Variants in CCDC141 observed in about 807,000 individuals in gnomAD.
CCDC141 encodes coiled-coil domain-containing protein 141.
In CCDC141, 168 loss-of-function variants were observed where a neutral mutation model predicts 181.0. The ratio of observed to expected loss-of-function variants is 0.93; its 90% CI spans 0.82 to 1.05. The LOEUF is 1.05. CCDC141 is among the 50% of genes least tolerant of loss of function. CCDC141 has a pLI of 0.00. For synonymous variants in CCDC141, 666 were observed against 642.3 expected (o/e 1.04, Z -0.56); for missense variants, 1,902 against 1,788.5 (o/e 1.06, Z -1.14).
chr2:178,898,985 AAAC>A (rs1410356035), intron 8 of CCDC141, among the ~76,000 whole-genome samples: 1 of 152,222 alleles, frequency 6.6e-6, no homozygotes, highest in Non-Finnish European at 1.5e-5. Flanking sequence ...TAATCATTTG[AAAC>A]AACCATATTA....
intron 16 of CCDC141, among the ~76,000 whole-genome samples, chr2:178,866,392 G>A (rs1032571933): frequency 4.6e-5 from 7 of 152,106 alleles, no homozygotes; most frequent in African/African-American, 1.4e-4. Context: ...GAGACTTCTT[G>A]CTTTCTTTTT....
chr2:179,015,074 A>ATG (rs1472997549), intron 2 of CCDC141, among the ~76,000 whole-genome samples: 2 of 34,384 alleles, frequency 5.8e-5, no homozygotes, highest in Non-Finnish European at 8.0e-5. Flanking sequence ...AGAGATATAT[A>ATG]TATATATATA....
intron 20 of CCDC141, among the ~76,000 whole-genome samples, chr2:178,852,027 T>C (rs1482263678): frequency 6.6e-6 from 1 of 152,200 alleles, no homozygotes; most frequent in Non-Finnish European, 1.5e-5. Flanking sequence ...CATTCAGTGA[T>C]TCATTTATTT....
intron 16 of CCDC141, among the ~76,000 whole-genome samples, chr2:178,867,443 T>C (rs1309158458): frequency 1.3e-5 from 2 of 152,210 alleles, no homozygotes; most frequent in Non-Finnish European, 2.9e-5. Context: ...GTAAGTAATA[T>C]AAAAAATACT....
chr2:178,908,114 G>A (rs541827757), intron 7 of CCDC141, among the ~76,000 whole-genome samples: 19 of 152,252 alleles, frequency 1.2e-4, no homozygotes, highest in African/African-American at 3.6e-4. Flanking sequence ...CACTGTTTCT[G>A]AACATTTTAA....
rs771477002 is a variant in CCDC141 at position 178,869,217 on chromosome 2, A to T, written c.2294T>A (p.Leu765Gln). 9.3e-6 allele frequency: 15 copies of T among 1,613,730 alleles called. No individual in the cohort carries two copies. The highest frequency in any genetic ancestry group is 1.2e-5 in the Non-Finnish European group (14 of 1,179,766). The change falls in exon 15 of 24, where the codon CTG becomes CAG. Residue 765 changes from leucine to glutamine, a missense_variant. Leu to Gln is a moderately radical substitution (Grantham distance 113, BLOSUM62 -2). Transcript: ENST00000443758. ...TTGATGGAAGTGAATAAGGTCCTTC[A>T]GTTGTTGAGACTTTTCTTTTACAGG... ...GAPVKEKSQQ[L>Q]KDLIHFHQKQ...
intron 2 of CCDC141, among the ~76,000 whole-genome samples, chr2:178,982,746 A>C (rs4416254): frequency 0.97 from 148,379 of 152,220 alleles, 72,413 homozygotes; most frequent in Middle Eastern, 1. Context: ...CCGAATACTG[A>C]GCTTTTCTGA....
chr2:178,938,047 T>C (rs374382286), intron 6 of CCDC141, among the ~76,000 whole-genome samples: 2 of 152,102 alleles, frequency 1.3e-5, no homozygotes, highest in Non-Finnish European at 2.9e-5. Context: ...TGTTTTTTCA[T>C]GTCTTCATTT....
rs1160010114 is a variant in CCDC141, at chr2:179,042,528, A to C, written c.225+4756T>G. Among the ~76,000 whole-genome samples, 3 of 152,192 alleles carry C rather than the reference A, an allele frequency of 2.0e-5. No homozygotes were observed. In the East Asian group the frequency reaches 5.8e-4, roughly 29 times the overall value. ...ACACCTGGCTAATTTTTGTATTTTTAATAGAGACAAGGTTTCACCATGTTA... is the reference window on the plus strand; with the variant it reads ...ACACCTGGCTAATTTTTGTATTTTTCATAGAGACAAGGTTTCACCATGTTA... On this transcript the variant is annotated intron_variant, in intron 2 of 23. Transcript: ENST00000443758.
intron 5 of CCDC141, among the ~76,000 whole-genome samples, chr2:178,953,450 A>T (rs1690039401): frequency 6.6e-6 from 1 of 151,796 alleles, no homozygotes; most frequent in Non-Finnish European, 1.5e-5. Context: ...AAAAAAAAAA[A>T]ATGCTCATAT....
At chr2:178,867,257 T>G (rs1685895531) in intron 16 of CCDC141, among the ~76,000 whole-genome samples, 1 of 152,140 alleles carries the variant, frequency 6.6e-6, no homozygotes, top group African/African-American at 2.4e-5. Context: ...AACTCTAAGA[T>G]CTAGATGGTC....
chr2:178,915,011 C>T (rs1688379269), intron 7 of CCDC141, among the ~76,000 whole-genome samples: 3 of 151,884 alleles, frequency 2.0e-5, no homozygotes, highest in Admixed American at 2.0e-4. Flanking sequence ...GGCAAAATCC[C>T]ATCTCTACAA....
intron 5 of CCDC141, among the ~76,000 whole-genome samples, chr2:178,952,443 C>A (rs1044263044): frequency 6.6e-6 from 1 of 152,146 alleles, no homozygotes; most frequent in Admixed American, 6.5e-5. Flanking sequence ...CAGAAAAGGA[C>A]ACTGAGGCAC....
chr2:178,817,390 A>G, the CCDC141 span: 1 of 406,394 alleles, frequency 2.5e-6, no homozygotes, highest in South Asian at 1.9e-5. Context: ...AGCTGAAACT[A>G]CTGTTGGTTT....
chr2:179,047,531 T>A, intron 1 of CCDC141, 125 bp from the exon 2 acceptor site: 1 of 829,160 alleles, frequency 1.2e-6, no homozygotes, highest in Admixed American at 3.8e-5. Flanking sequence ...CTATTTTCTA[T>A]TTTTTTCCAT....
At chr2:178,982,267 T>C (rs949770904) in intron 2 of CCDC141, among the ~76,000 whole-genome samples, 2 of 151,940 alleles carry the variant, frequency 1.3e-5, no homozygotes, top group Non-Finnish European at 2.9e-5. Flanking sequence ...AGTTACAGAG[T>C]ATAAGATCAA....
chr2:179,005,259 C>A (rs186293616), intron 2 of CCDC141, among the ~76,000 whole-genome samples: 1,851 of 152,088 alleles, frequency 0.012, 19 homozygotes, highest in Non-Finnish European at 0.019. Flanking sequence ...CTAAACTATT[C>A]CACAAAAACT....
intron 17 of CCDC141, among the ~76,000 whole-genome samples, chr2:178,862,351 T>C (rs75910792): frequency 6.6e-6 from 1 of 152,318 alleles, no homozygotes; most frequent in East Asian, 1.9e-4. Context: ...AGCAAAGTAA[T>C]TGTGATCTGT....
intron 13 of CCDC141, 116 bp from the exon 14 acceptor site, chr2:178,871,668 C>T (rs1305151265): frequency 5.2e-6 from 6 of 1,154,616 alleles, no homozygotes; most frequent in Admixed American, 2.2e-5. Context: ...TGAAAACACT[C>T]AGGATGTGGC....
Sources: gnomAD v4.1 joint callset for allele counts (sites outside exome capture counted in the v4.1 genomes callset) on GRCh38, gnomAD v4.1.1 for gene constraint, MANE v1.5 for transcripts, NCBI Gene and HGNC (gene_info 2026-07-23, HGNC 2026-07-21) for gene names.